ITGB5: variants seen among roughly 807,000 people sequenced by gnomAD.
ITGB5 encodes the protein integrin subunit beta 5, also known as integrin beta-5.
A neutral mutation model predicts 84.8 loss-of-function variants in ITGB5; 38 were observed. The observed-to-expected ratio is 0.45, with a 90% confidence interval of 0.35 to 0.59. The LOEUF (loss-of-function observed/expected upper bound fraction) is 0.59, where lower values mean the gene tolerates loss of function less well. Ranked by LOEUF, ITGB5 falls within the 20% of genes least tolerant of loss-of-function variation. ITGB5 has a pLI of 0.01. For synonymous variants in ITGB5, 393 were observed against 414.4 expected (o/e 0.95, Z 0.63); for missense variants, 905 against 1,034.5 (o/e 0.87, Z 1.72).
At chr3:124,808,977 G>A in intron 9 of ITGB5, 45 bp downstream of exon 9, 1 of 1,593,462 alleles carries the variant, frequency 6.3e-7, no homozygotes, top group Non-Finnish European at 8.6e-7. Flanking sequence ...AAAGACTGAT[G>A]ACCAATGCTA....
At position 124,860,620 on chromosome 3, in the gene ITGB5, G is replaced by C. The variant is rs2065283482; in HGVS notation, c.157-1174C>G. On this transcript the variant is annotated intron_variant, in intron 2 of 14. Coordinates refer to ENST00000296181, the MANE Select transcript of ITGB5 (RefSeq NM_002213.5). ...CTCCCTGGTCATTTCCGGCAAAGGG[G>C]TTTCACCTTTTCCCTGGTGAATGTG... Among the ~76,000 whole-genome samples the C allele has an allele frequency of 3.3e-5, 5 of 152,174 alleles. No individual in the cohort carries two copies. The South Asian group carries it at 1.0e-3, about 32-fold the overall frequency.
chr3:124,873,376 G>C (rs1237540961), intron 2 of ITGB5, 70 bp downstream of exon 2: 1 of 1,013,790 alleles, frequency 9.9e-7, no homozygotes, highest in Admixed American at 1.7e-5. Context: ...GTGTTGTGGT[G>C]TTGGCCTCCT....
At chr3:124,790,519 C>CGCCTTTGACTAGACATGGTTAACAGAACT (rs1559934115) in intron 10 of ITGB5, among the ~76,000 whole-genome samples, 1 of 150,578 alleles carries the variant, frequency 6.6e-6, no homozygotes, top group Non-Finnish European at 1.5e-5. Flanking sequence ...TTATCAGAAC[C>CGCCTTTGACTAGACATGGTTAACAGAACT]GCCTTTGACT....
intron 8 of ITGB5, among the ~76,000 whole-genome samples, chr3:124,814,293 A>G (rs568006117): frequency 3.0e-4 from 46 of 151,834 alleles, no homozygotes; most frequent in South Asian, 1.9e-3. Flanking sequence ...ACCTGAAGGG[A>G]GGGGTGGAAG....
At chr3:124,889,987 AGCCTG>A (rs1934961584), upstream of ITGB5, among the ~76,000 whole-genome samples, 1 of 151,942 alleles carries the variant, frequency 6.6e-6, no homozygotes, top group East Asian at 1.9e-4. Context: ...ACTCCACTCC[AGCCTG>A]GGCGACAAAG....
intron 5 of ITGB5, among the ~76,000 whole-genome samples, chr3:124,834,563 G>GAGGA (rs1326632704): frequency 6.1e-5 from 3 of 48,960 alleles, no homozygotes; most frequent in African/African-American, 1.8e-4. Flanking sequence ...CGGGGGGAGG[G>GAGGA]AGGGAGGAAG....
At chr3:124,794,188 A>G (rs527534265) in intron 10 of ITGB5, among the ~76,000 whole-genome samples, 1 of 152,340 alleles carries the variant, frequency 6.6e-6, no homozygotes, top group Admixed American at 6.5e-5. Context: ...GCCCTGCCTA[A>G]AACTGTTTTA....
chr3:124,777,004 G>A (rs1354855787), intron 10 of ITGB5, among the ~76,000 whole-genome samples: 1 of 152,102 alleles, frequency 6.6e-6, no homozygotes, highest in African/African-American at 2.4e-5. Context: ...TGGGATGGCT[G>A]GGGGGCAGGG....
At chr3:124,823,040 G>A (rs961570339) in intron 5 of ITGB5, among the ~76,000 whole-genome samples, 2 of 152,052 alleles carry the variant, frequency 1.3e-5, no homozygotes, top group African/African-American at 2.4e-5. Context: ...GTGAGAGGAC[G>A]GCATGAGGCC....
At chr3:124,764,329 C>T in intron 14 of ITGB5, 62 bp downstream of exon 14, 1 of 1,540,380 alleles carries the variant, frequency 6.5e-7, no homozygotes, top group South Asian at 1.2e-5. Context: ...TAACATACCG[C>T]TGAACTCAAC....
intron 10 of ITGB5, among the ~76,000 whole-genome samples, chr3:124,782,317 G>C (rs569762595): frequency 1.9e-4 from 29 of 152,328 alleles, no homozygotes; most frequent in African/African-American, 6.7e-4. Flanking sequence ...TGTTTGACCA[G>C]AAGCCCATAC....
intron 5 of ITGB5, among the ~76,000 whole-genome samples, chr3:124,822,961 A>G (rs1171500366): frequency 6.6e-6 from 1 of 152,170 alleles, no homozygotes; most frequent in Non-Finnish European, 1.5e-5. Flanking sequence ...AATGAGGAGG[A>G]CACTTCAAGG....
At chr3:124,774,547 A>G (rs1208046946) in intron 10 of ITGB5, among the ~76,000 whole-genome samples, 1 of 152,174 alleles carries the variant, frequency 6.6e-6, no homozygotes. Flanking sequence ...TGGGAGCCTC[A>G]GAGGGAATGC....
chr3:124,876,974 T>TG (rs1934353946), intron 1 of ITGB5, among the ~76,000 whole-genome samples: 1 of 152,014 alleles, frequency 6.6e-6, no homozygotes, highest in Non-Finnish European at 1.5e-5. Flanking sequence ...CTTGTTTGTT[T>TG]TTTTTTCTTT....
chr3:124,824,930 G>A (rs1019191607), intron 5 of ITGB5, among the ~76,000 whole-genome samples: 6 of 152,206 alleles, frequency 3.9e-5, no homozygotes, highest in Admixed American at 3.3e-4. Flanking sequence ...CTGGCGCGGT[G>A]GCTCATGCCT....
chr3:124,805,698 C>T (rs770483854), intron 9 of ITGB5, among the ~76,000 whole-genome samples: 5 of 152,046 alleles, frequency 3.3e-5, no homozygotes, highest in East Asian at 1.9e-4. Context: ...GTGATCCTCC[C>T]GCCTTGAGTT....
At chr3:124,897,122 G>T (rs1251530160) in intron 1 of ITGB5, among the ~76,000 whole-genome samples, 1 of 152,124 alleles carries the variant, frequency 6.6e-6, no homozygotes, top group Non-Finnish European at 1.5e-5. Flanking sequence ...CCCTATCCCT[G>T]ATCTTTTCTG....
At position 124,773,734 on chromosome 3, in the gene ITGB5, C is replaced by T. The variant is rs1332137571; in HGVS notation, c.1872G>A (p.Met624Ile). 1.7e-5 allele frequency: 27 copies of T among 1,612,592 alleles called. No individual in the cohort carries two copies. Among genetic ancestry groups the T allele is most frequent in the Non-Finnish European group, 2.3e-5 (27 of 1,180,024 alleles). ...QCTEPGAFGE[M>I]CEKCPTCPDA... Reference sequence around the variant, plus strand: ...CCGGGCAGGTGGGGCACTTCTCACACATCTCCCCAAAGGCCCCCGGCTCCG... The same window carrying T: ...CCGGGCAGGTGGGGCACTTCTCACATATCTCCCCAAAGGCCCCCGGCTCCG... The change falls in exon 11 of 15, where the codon ATG becomes ATA. Residue 624 changes from methionine to isoleucine, a missense_variant. Physicochemically the swap from Met to Ile is conservative, Grantham distance 10. This residue lies in a region of ITGB5 where 116 missense variants were observed against 177.0 expected (regional missense o/e 0.66). Transcript: ENST00000296181.
chr3:124,839,793 C>T (rs1313747667), intron 5 of ITGB5, among the ~76,000 whole-genome samples: 1 of 152,190 alleles, frequency 6.6e-6, no homozygotes, highest in African/African-American at 2.4e-5. Context: ...AACCATGTTT[C>T]CATGTGTCTC....
Sources: gnomAD v4.1 joint callset for allele counts (sites outside exome capture counted in the v4.1 genomes callset) on GRCh38, gnomAD v4.1.1 for gene constraint, gnomAD v4.1.1 regional missense constraint, MANE v1.5 for transcripts, NCBI Gene and HGNC (gene_info 2026-07-23, HGNC 2026-07-21) for gene names.